MYO1B: variants seen among roughly 807,000 people sequenced by gnomAD.
MYO1B encodes myosin IB.
Under a neutral mutation model 159.7 loss-of-function variants are expected in MYO1B, and 72 were observed. The ratio of observed to expected loss-of-function variants is 0.45; its 90% CI spans 0.37 to 0.55. The LOEUF (loss-of-function observed/expected upper bound fraction) is 0.55. Ranked by LOEUF, MYO1B falls within the 20% of genes least tolerant of loss-of-function variation. The pLI is 0.00. For missense variants in MYO1B, 1,062 were observed against 1,364.8 expected (o/e 0.78, Z 3.50); for synonymous variants, 468 against 473.8 (o/e 0.99, Z 0.16).
At chr2:191,389,910 C>A (rs1695640043) in intron 17 of MYO1B, among the ~76,000 whole-genome samples, 1 of 152,228 alleles carries the variant, frequency 6.6e-6, no homozygotes, top group Non-Finnish European at 1.5e-5. Flanking sequence ...TGATCCCCCA[C>A]TACTACCTCT....
chr2:191,324,692 A>G (rs1342800780), intron 3 of MYO1B, among the ~76,000 whole-genome samples: 1 of 152,168 alleles, frequency 6.6e-6, no homozygotes. Context: ...TGTTGTGGCT[A>G]GCAGGGGTAA....
Position 191,386,012 on chromosome 2 carries a change from C to T in MYO1B, c.1482C>T (p.Ser494=). Residue 494 remains serine (S), a synonymous_variant, in exon 16 of 31, where the codon AGC becomes AGT. Coordinates refer to ENST00000392318, the MANE Select transcript of MYO1B (RefSeq NM_001130158.3). ...ATHQHFESRM[S]KCSRFLNDTS... is the part of the protein sequence containing the mutation. ...ACCAGCATTTTGAGAGCAGGATGAGCAAGTGCTCTCGGTTCCTCAATGACA... is the reference window on the plus strand; with the variant it reads ...ACCAGCATTTTGAGAGCAGGATGAGTAAGTGCTCTCGGTTCCTCAATGACA... 6.2e-7 allele frequency: 1 copy of T among 1,614,134 alleles called. No homozygotes were observed. Among genetic ancestry groups the T allele is most frequent in the Non-Finnish European group, 8.5e-7 (1 of 1,180,010 alleles).
chr2:191,309,552 T>C (rs1689866935), intron 3 of MYO1B, among the ~76,000 whole-genome samples: 1 of 152,208 alleles, frequency 6.6e-6, no homozygotes, highest in Admixed American at 6.5e-5. Context: ...GCAACTCCCT[T>C]GTGGCCTGCA....
At chr2:191,303,906 G>A (rs1194038834) in intron 3 of MYO1B, among the ~76,000 whole-genome samples, 1 of 152,246 alleles carries the variant, frequency 6.6e-6, no homozygotes, top group Admixed American at 6.5e-5. Context: ...TAAACATCTC[G>A]TGTGTAATGA....
intron 1 of MYO1B, chr2:191,245,906 A>G (rs1002862854): frequency 6.6e-6 from 1 of 152,218 alleles, no homozygotes; most frequent in Non-Finnish European, 1.5e-5. Context: ...ACTTTGCCCC[A>G]TGCCTCTCGT....
intron 30 of MYO1B, among the ~76,000 whole-genome samples, chr2:191,421,504 C>T (rs1324120973): frequency 6.6e-6 from 1 of 152,018 alleles, no homozygotes; most frequent in Admixed American, 6.6e-5. Flanking sequence ...GCAGAGTCTC[C>T]CTCTGTCACC....
At chr2:191,307,657 T>C (rs1689731470) in intron 3 of MYO1B, among the ~76,000 whole-genome samples, 1 of 152,120 alleles carries the variant, frequency 6.6e-6, no homozygotes, top group African/African-American at 2.4e-5. Context: ...GGCTTAGTCC[T>C]ACAAGAGTGC....
intron 18 of MYO1B, 50 bp from the exon 19 acceptor site, chr2:191,392,058 A>G (rs1487216437): frequency 7.1e-7 from 1 of 1,408,166 alleles, no homozygotes. Flanking sequence ...AGAAGATAAA[A>G]CTATTTTTGT....
At chr2:191,350,510 A>G (rs962613408) in intron 7 of MYO1B, 3 of 187,166 alleles carry the variant, frequency 1.6e-5, no homozygotes, top group Non-Finnish European at 3.3e-5. Flanking sequence ...TTAAAATCCT[A>G]TAGGTCTTTA....
chr2:191,352,143 C>A (rs1692965578), intron 7 of MYO1B, among the ~76,000 whole-genome samples: 1 of 152,214 alleles, frequency 6.6e-6, no homozygotes, highest in African/African-American at 2.4e-5. Context: ...ATTATAACCC[C>A]TGCCAAACTT....
intron 3 of MYO1B, among the ~76,000 whole-genome samples, chr2:191,314,208 A>G (rs1690204397): frequency 6.6e-6 from 1 of 152,328 alleles, no homozygotes; most frequent in South Asian, 2.1e-4. Flanking sequence ...ATTTGAATGC[A>G]TTTCTACAGA....
At chr2:191,287,911 A>C (rs940233451) in intron 2 of MYO1B, among the ~76,000 whole-genome samples, 10 of 148,018 alleles carry the variant, frequency 6.8e-5, no homozygotes, top group African/African-American at 2.5e-4. Context: ...TTTTTATTCC[A>C]GTCGTAACTA....
At chr2:191,387,641 A>G in intron 17 of MYO1B, 191 bp downstream of exon 17, 1 of 618,936 alleles carries the variant, frequency 1.6e-6, no homozygotes, top group African/African-American at 1.8e-5. Flanking sequence ...ATAAGAAAGT[A>G]AAAAAGTAAA....
At chr2:191,287,638 C>T (rs1232300357) in intron 2 of MYO1B, among the ~76,000 whole-genome samples, 1 of 152,082 alleles carries the variant, frequency 6.6e-6, no homozygotes, top group East Asian at 1.9e-4. Context: ...AAGACTTACA[C>T]AATATTTCAA....
In MYO1B at chr2:191,276,789, A is replaced by G. The variant is rs181783233; in HGVS notation, c.-9-98A>G. On this transcript the variant is annotated intron_variant, in intron 1 of 30. Transcript: ENST00000392318. ...ACATTTTTTAAGGCTAGTGAGAGTC[A>G]TTTGGAGCTACCAGTGTTGGATTTC... 36 of 1,381,900 alleles carry G rather than the reference A, an allele frequency of 2.6e-5. No individual in the cohort carries two copies. The East Asian group carries it at 6.1e-4, about 23-fold the overall frequency. The allele number at this position is 1,381,900 out of a possible 1,614,324, so 85.6% of individuals were successfully genotyped here.
chr2:191,396,269 T>C (rs554691585), intron 20 of MYO1B, among the ~76,000 whole-genome samples, 160 bp from the exon 21 acceptor site: 1 of 152,334 alleles, frequency 6.6e-6, no homozygotes, highest in African/African-American at 2.4e-5. Flanking sequence ...TGTAATAATA[T>C]TGGATTGTTT....
intron 1 of MYO1B, among the ~76,000 whole-genome samples, chr2:191,270,723 G>C (rs769936084): frequency 4.6e-5 from 7 of 152,196 alleles, no homozygotes; most frequent in Non-Finnish European, 7.3e-5. Context: ...GATTTGCTGA[G>C]AGTTACTGTG....
At chr2:191,356,337 C>CTTTTTTTTTTTT (rs79525897) in intron 7 of MYO1B, among the ~76,000 whole-genome samples, 4 of 106,448 alleles carry the variant, frequency 3.8e-5, no homozygotes, top group Non-Finnish European at 7.7e-5. Flanking sequence ...GGCTGGGCTT[C>CTTTTTTTTTTTT]TTTTTTTTTT....
At chr2:191,310,768 A>C (rs1360232096) in intron 3 of MYO1B, among the ~76,000 whole-genome samples, 1 of 152,214 alleles carries the variant, frequency 6.6e-6, no homozygotes, top group Non-Finnish European at 1.5e-5. Context: ...ATTGCAAGCT[A>C]TGTGTCTGGA....
Sources: allele counts gnomAD v4.1 joint callset (sites outside exome capture counted in the v4.1 genomes callset), GRCh38; gene constraint gnomAD v4.1.1; transcripts MANE v1.5; gene names NCBI Gene and HGNC (gene_info 2026-07-23, HGNC 2026-07-21).